The following MAP3K13 variants were observed in gnomAD, a reference collection of about 807,000 sequenced individuals.
The protein encoded by MAP3K13 is leucine zipper-bearing kinase.
Under a neutral mutation model 104.0 loss-of-function variants are expected in MAP3K13, and 52 were observed. The ratio of observed to expected loss-of-function variants is 0.50; its 90% confidence interval spans 0.40 to 0.63. The LOEUF (loss-of-function observed/expected upper bound fraction) is 0.63, where lower values mean the gene tolerates loss of function less well. Ranked by LOEUF, MAP3K13 falls within the 20% of genes least tolerant of loss-of-function variation. MAP3K13 has a pLI of 0.00. For missense variants in MAP3K13, 914 were observed against 1,218.5 expected (o/e 0.75, Z 3.72); for synonymous variants, 394 against 442.2 (o/e 0.89, Z 1.37).
chr3:185,373,767 C>T (rs1425067299), intron 1 of MAP3K13, among the ~76,000 whole-genome samples: 1 of 111,542 alleles, frequency 9.0e-6, no homozygotes, highest in South Asian at 3.2e-4. Context: ...TGCCCTACCC[C>T]TGCCAACCAT....
At chr3:185,431,443 T>C (rs570263433) in intron 2 of MAP3K13, among the ~76,000 whole-genome samples, 3 of 152,350 alleles carry the variant, frequency 2.0e-5, no homozygotes, top group Admixed American at 2.0e-4. Context: ...TACTTTTGCA[T>C]ATATCTTTGA....
At chr3:185,309,525 A>G (rs986088025) in intron 2 of MAP3K13, among the ~76,000 whole-genome samples, 5 of 151,880 alleles carry the variant, frequency 3.3e-5, no homozygotes, top group African/African-American at 1.2e-4. Context: ...AAAAAAAAAA[A>G]AAAAAGAAAG....
At chr3:185,396,166 T>G (rs1712406214) in intron 1 of MAP3K13, among the ~76,000 whole-genome samples, 1 of 151,876 alleles carries the variant, frequency 6.6e-6, no homozygotes, top group Non-Finnish European at 1.5e-5. Context: ...AGGTCAGAAG[T>G]TCAAGACCAG....
chr3:185,318,341 GC>G (rs1331122336), intron 2 of MAP3K13, among the ~76,000 whole-genome samples: 1 of 152,198 alleles, frequency 6.6e-6, no homozygotes, highest in African/African-American at 2.4e-5. Context: ...TTATAAACCT[GC>G]CTGACAGACA....
intron 2 of MAP3K13, among the ~76,000 whole-genome samples, chr3:185,302,947 T>C (rs993269920): frequency 6.6e-6 from 1 of 152,220 alleles, no homozygotes; most frequent in Non-Finnish European, 1.5e-5. Context: ...TATTTCACCA[T>C]GGAGTGTGAC....
chr3:185,410,029 G>C (rs1163854611), intron 1 of MAP3K13, among the ~76,000 whole-genome samples: 3 of 152,148 alleles, frequency 2.0e-5, no homozygotes, highest in African/African-American at 4.8e-5. Context: ...GAGATCCCTC[G>C]AATGTGCAGT....
intron 2 of MAP3K13, among the ~76,000 whole-genome samples, chr3:185,297,666 C>T (rs1184758408): frequency 6.7e-6 from 1 of 150,038 alleles, no homozygotes; most frequent in Non-Finnish European, 1.5e-5. Flanking sequence ...ACCCAGGAGG[C>T]GGAGGTTGCA....
At chr3:185,356,162 A>G (rs1297473815) in intron 2 of MAP3K13, among the ~76,000 whole-genome samples, 4 of 152,250 alleles carry the variant, frequency 2.6e-5, no homozygotes, top group African/African-American at 7.2e-5. Flanking sequence ...ATAATAATAA[A>G]GTGTAAACAC....
intron 1 of MAP3K13, among the ~76,000 whole-genome samples, chr3:185,415,627 A>G (rs576430689): frequency 1.6e-3 from 182 of 115,760 alleles, no homozygotes; most frequent in African/African-American, 5.9e-3. Flanking sequence ...CTTATTGCCC[A>G]GGCTGGAGTA....
chr3:185,457,410 G>A (rs1161882392), intron 7 of MAP3K13, among the ~76,000 whole-genome samples: 2 of 152,222 alleles, frequency 1.3e-5, no homozygotes, highest in South Asian at 2.1e-4. Context: ...AGACTGAGAA[G>A]TCCAAGGCAC....
intron 1 of MAP3K13, among the ~76,000 whole-genome samples, chr3:185,415,573 A>ATTTTTTTTTTTTTTTTTTTTTTTTTTT (rs34633048): frequency 3.3e-5 from 4 of 119,452 alleles, no homozygotes. Context: ...AGAAGGGTTA[A>ATTTTTTTTTTTTTTTTTTTTTTTTTTT]TTTCTTTTTT....
chr3:185,294,470 A>G (rs1244653251), intron 2 of MAP3K13, among the ~76,000 whole-genome samples: 2 of 152,358 alleles, frequency 1.3e-5, no homozygotes, highest in African/African-American at 4.8e-5. Flanking sequence ...TTCTCTGCTT[A>G]TAAATTATAT....
intron 11 of MAP3K13, chr3:185,476,579 A>G (rs1302605821): frequency 1.3e-5 from 2 of 152,242 alleles, no homozygotes; most frequent in Non-Finnish European, 2.9e-5. Context: ...GTGTGAGATG[A>G]GTTCTCTGTA....
chr3:185,305,770 A>T (rs573189354), intron 2 of MAP3K13, among the ~76,000 whole-genome samples: 155 of 152,168 alleles, frequency 1.0e-3, no homozygotes, highest in Non-Finnish European at 1.8e-3. Flanking sequence ...ATTTATTTTT[A>T]TAATTTCAAC....
chr3:185,311,421 T>C (rs1721491929), intron 2 of MAP3K13, among the ~76,000 whole-genome samples: 1 of 152,158 alleles, frequency 6.6e-6, no homozygotes, highest in Admixed American at 6.5e-5. Context: ...CCAGCCCCCA[T>C]GATTCAATTA....
intron 1 of MAP3K13, among the ~76,000 whole-genome samples, chr3:185,367,535 G>A (rs1172268115): frequency 6.6e-6 from 1 of 152,142 alleles, no homozygotes; most frequent in East Asian, 1.9e-4. Context: ...GGTATCATTG[G>A]AAGTTAATGA....
chr3:185,362,153 C>G (rs1460629609), upstream of MAP3K13, among the ~76,000 whole-genome samples: 1 of 152,152 alleles, frequency 6.6e-6, no homozygotes, highest in African/African-American at 2.4e-5. Flanking sequence ...CACGATCGTT[C>G]TAGTTTCAAG....
chr3:185,426,425 G>A (rs1185280239), intron 1 of MAP3K13, among the ~76,000 whole-genome samples: 2 of 152,178 alleles, frequency 1.3e-5, no homozygotes, highest in Non-Finnish European at 2.9e-5. Flanking sequence ...CTATTCATGG[G>A]ATATGGTAAT....
chr3:185,451,380 T>C lies in MAP3K13; in HGVS notation c.1263T>C (p.Thr421=), dbSNP rs1190806429. Residue 421 remains threonine, a synonymous_variant, in exon 7 of 14, where the codon ACT becomes ACC. Coordinates refer to ENST00000265026, the MANE Select transcript of MAP3K13 (RefSeq NM_004721.5). ...SADVLATPQE[T]YFKSQAEWRE... is the part of the protein sequence containing the mutation. Reference sequence around the variant, plus strand: ...ATGTACTTGCCACCCCACAAGAAACTTACTTCAAGTCTCAGGTAAGTTGGG... The same window carrying C: ...ATGTACTTGCCACCCCACAAGAAACCTACTTCAAGTCTCAGGTAAGTTGGG... The C allele has an allele frequency of 1.9e-6, 3 of 1,612,418 alleles. No homozygotes were observed. The highest frequency in any genetic ancestry group is 2.7e-5 in the African/African-American group (2 of 74,872).
Sources: gnomAD v4.1 joint callset for allele counts (sites outside exome capture counted in the v4.1 genomes callset) on GRCh38, gnomAD v4.1.1 for gene constraint, MANE v1.5 for transcripts, NCBI Gene and HGNC (gene_info 2026-07-23, HGNC 2026-07-21) for gene names.